RBFOX1: variants seen among roughly 807,000 people sequenced by gnomAD.
RBFOX1 encodes RNA binding fox-1 homolog 1, also known as RNA binding protein fox-1 homolog 1.
A neutral mutation model predicts 57.7 loss-of-function variants in RBFOX1; 8 were observed. The observed-to-expected ratio is 0.14, with a 90% CI of 0.08 to 0.25. The LOEUF (loss-of-function observed/expected upper bound fraction) is 0.25. Among genes scored for constraint, RBFOX1 ranks in the 10% least tolerant of loss-of-function variants. RBFOX1 has a pLI of 1.00. For synonymous variants in RBFOX1, 326 were observed against 222.4 expected (o/e 1.47, Z -4.15); for missense variants, 611 against 548.5 (o/e 1.11, Z -1.14).
chr16:5,833,464 C>A (rs1441233725), intron 3 of RBFOX1, among the ~76,000 whole-genome samples: 2 of 143,366 alleles, frequency 1.4e-5, no homozygotes, highest in Non-Finnish European at 3.0e-5. Context: ...CACTGCACTC[C>A]AGCCTGGGCG....
chr16:6,650,771 C>A (rs1158658563), intron 2 of RBFOX1, among the ~76,000 whole-genome samples: 2 of 152,192 alleles, frequency 1.3e-5, no homozygotes, highest in South Asian at 4.1e-4. Context: ...TAATAAATCA[C>A]CAGCTTCTCA....
intron 3 of RBFOX1, among the ~76,000 whole-genome samples, chr16:6,999,375 C>G (rs912269655): frequency 3.3e-5 from 5 of 151,328 alleles, no homozygotes; most frequent in South Asian, 2.1e-4. Context: ...CATTTTTACT[C>G]CAGATTCATT....
intron 3 of RBFOX1, among the ~76,000 whole-genome samples, chr16:7,040,986 G>T (rs938326029): frequency 2.6e-5 from 4 of 151,056 alleles, no homozygotes; most frequent in African/African-American, 9.8e-5. Context: ...TGCAATCTCT[G>T]CTCATTGCAA....
intron 4 of RBFOX1, among the ~76,000 whole-genome samples, chr16:7,384,723 A>C (rs1439945759): frequency 6.6e-6 from 1 of 152,216 alleles, no homozygotes; most frequent in Non-Finnish European, 1.5e-5. Flanking sequence ...ATAGAGATGT[A>C]AGTCAGGATG....
At chr16:5,557,134 C>A (rs2045708284) in intron 2 of RBFOX1, among the ~76,000 whole-genome samples, 1 of 151,952 alleles carries the variant, frequency 6.6e-6, no homozygotes, top group South Asian at 2.1e-4. Flanking sequence ...GTGGCAGGCA[C>A]CTGTAGTCCC....
chr16:6,334,729 G>T (rs1389162850), intron 2 of RBFOX1, among the ~76,000 whole-genome samples: 2 of 152,106 alleles, frequency 1.3e-5, no homozygotes, highest in African/African-American at 4.8e-5. Flanking sequence ...TAGTTCTGTT[G>T]AGAATTCATT....
intron 4 of RBFOX1, among the ~76,000 whole-genome samples, chr16:7,158,163 A>G (rs1015227941): frequency 4.6e-5 from 7 of 152,116 alleles, no homozygotes; most frequent in Admixed American, 6.6e-5. Flanking sequence ...CCTGGCCAAC[A>G]TGGTGAAACC....
intron 4 of RBFOX1, among the ~76,000 whole-genome samples, chr16:5,962,080 G>C (rs550111312): frequency 6.6e-6 from 1 of 152,212 alleles, no homozygotes; most frequent in African/African-American, 2.4e-5. Flanking sequence ...TCCAGCCATC[G>C]CTTACATGTT....
At chr16:5,403,326 G>A (rs1013494933) in intron 1 of RBFOX1, among the ~76,000 whole-genome samples, 4 of 146,106 alleles carry the variant, frequency 2.7e-5, no homozygotes, top group African/African-American at 1.0e-4. Context: ...CTCCAGTCTG[G>A]GAAACAGACT....
rs765186891 is a variant in RBFOX1 at position 6,415,770 on chromosome 16, C to G, written c.-64+98713C>G. On this transcript the variant is annotated intron_variant, in intron 2 of 15. Coordinates refer to ENST00000550418, the MANE Select transcript of RBFOX1 (RefSeq NM_018723.4). Reference sequence around the variant, plus strand: ...GCAGAGCTCCAATATGTAACCCCCACAACCTCAGGATATCTGTGAGATACA... The same window carrying G: ...GCAGAGCTCCAATATGTAACCCCCAGAACCTCAGGATATCTGTGAGATACA... Among the ~76,000 whole-genome samples the G allele has an allele frequency of 2.4e-4, 37 of 152,170 alleles. 1 individual carries two copies. The highest frequency in any genetic ancestry group is 1.9e-4 in the Non-Finnish European group (13 of 68,014).
At chr16:6,959,751 A>T (rs763558911) in intron 3 of RBFOX1, among the ~76,000 whole-genome samples, 17 of 152,286 alleles carry the variant, frequency 1.1e-4, no homozygotes, top group African/African-American at 4.1e-4. Context: ...AGCCTGGCCA[A>T]CATGGTGAAA....
intron 2 of RBFOX1, among the ~76,000 whole-genome samples, chr16:6,507,141 A>G (rs904375293): frequency 1.3e-5 from 2 of 152,170 alleles, no homozygotes; most frequent in African/African-American, 2.4e-5. Flanking sequence ...CTGAGCCAGC[A>G]TCGTTCCTCA....
intron 7 of RBFOX1, among the ~76,000 whole-genome samples, chr16:7,588,080 G>C (rs1347616652): frequency 1.3e-5 from 2 of 152,206 alleles, no homozygotes; most frequent in African/African-American, 4.8e-5. Context: ...TCGGGAGGCT[G>C]AGGCAGGAGA....
chr16:5,259,814 A>T (rs1333622673), intron 1 of RBFOX1, among the ~76,000 whole-genome samples: 2 of 152,176 alleles, frequency 1.3e-5, no homozygotes, highest in African/African-American at 4.8e-5. Context: ...TGTCACCCTC[A>T]GTTGATTGAA....
intron 1 of RBFOX1, among the ~76,000 whole-genome samples, chr16:6,280,632 C>A (rs190516302): frequency 2.0e-5 from 3 of 152,142 alleles, no homozygotes. Context: ...ATTATTTAGC[C>A]CCACGAGCCA....
chr16:7,223,154 G>C (rs897395939), intron 4 of RBFOX1, among the ~76,000 whole-genome samples: 1 of 152,224 alleles, frequency 6.6e-6, no homozygotes. Context: ...GGGCTGAAGC[G>C]AAGGGTTGAC....
chr16:7,060,912 G>A (rs991482407), intron 4 of RBFOX1, among the ~76,000 whole-genome samples: 3 of 152,178 alleles, frequency 2.0e-5, no homozygotes, highest in African/African-American at 7.2e-5. Flanking sequence ...CCAGACTTCA[G>A]TGATTAGCTC....
chr16:7,119,257 T>A (rs934869947), intron 4 of RBFOX1, among the ~76,000 whole-genome samples: 4 of 152,260 alleles, frequency 2.6e-5, no homozygotes, highest in Admixed American at 2.0e-4. Flanking sequence ...CATTCACATA[T>A]GCATGTGTGT....
chr16:7,165,704 C>G (rs4786973), intron 4 of RBFOX1, among the ~76,000 whole-genome samples: 137,010 of 151,788 alleles, frequency 0.9, 61,924 homozygotes, highest in East Asian at 1. Flanking sequence ...GTTGGGATTA[C>G]AAGTGAGAGC....
Sources: gnomAD v4.1 joint callset for allele counts (sites outside exome capture counted in the v4.1 genomes callset) on GRCh38, gnomAD v4.1.1 for gene constraint, MANE v1.5 for transcripts, NCBI Gene and HGNC (gene_info 2026-07-23, HGNC 2026-07-21) for gene names.